Variants in GGTA1 observed in about 807,000 individuals in gnomAD.
GGTA1 encodes inactive N-acetyllactosaminide alpha-1,3-galactosyltransferase.
GGTA1 carries 5 observed loss-of-function variants against 2.6 expected under a neutral mutation model. The observed-to-expected ratio is 1.92, with a 90% CI of 1.00 to 4.04. The LOEUF (loss-of-function observed/expected upper bound fraction) is 4.04. Among genes scored for constraint, GGTA1 ranks in the 30% most tolerant of loss-of-function variants. GGTA1 has a pLI of 0.00. For synonymous variants in GGTA1, 17 were observed against 5.0 expected (o/e 3.38, Z -3.19); for missense variants, 50 against 16.7 (o/e 2.99, Z -3.47).
intron 1 of GGTA1, among the ~76,000 whole-genome samples, chr9:121,474,082 G>C (rs955231482): frequency 6.6e-6 from 1 of 152,108 alleles, no homozygotes; most frequent in Non-Finnish European, 1.5e-5. Context: ...CTTTCAAGGG[G>C]TGGAGCACAG....
intron 1 of GGTA1, among the ~76,000 whole-genome samples, chr9:121,499,000 G>A (rs1829048820): frequency 1.3e-5 from 2 of 151,736 alleles, no homozygotes; most frequent in Non-Finnish European, 2.9e-5. Context: ...TAGGAGCAAG[G>A]TTTGAAGAGT....
chr9:121,449,530 A>G lies in GGTA1; in HGVS notation c.*119-1933T>C, dbSNP rs1026582081. Among the ~76,000 whole-genome samples, 3 of 152,256 alleles carry G rather than the reference A, an allele frequency of 2.0e-5. No individual in the cohort carries two copies. In the East Asian group the frequency reaches 5.8e-4, roughly 29 times the overall value. ...TGGTATTTTAACTATTCATCTATTCATTTGAAAAGCATTGCACGCCATCTC... is the reference window on the plus strand; with the variant it reads ...TGGTATTTTAACTATTCATCTATTCGTTTGAAAAGCATTGCACGCCATCTC... On this transcript the variant is annotated intron_variant and NMD_transcript_variant, in intron 7 of 7. Coordinates refer to the GGTA1 transcript ENST00000481534.
chr9:121,478,182 T>A (rs1234399373), intron 1 of GGTA1, among the ~76,000 whole-genome samples: 1 of 152,198 alleles, frequency 6.6e-6, no homozygotes, highest in African/African-American at 2.4e-5. Context: ...ACCACTCTGT[T>A]GCTCTAGAAA....
At chr9:121,496,656 C>CGGGAGGCAAAGGTTGCA (rs1828998531) in intron 1 of GGTA1, among the ~76,000 whole-genome samples, 1 of 130,402 alleles carries the variant, frequency 7.7e-6, no homozygotes, top group African/African-American at 2.9e-5. Flanking sequence ...CGCTTGAACC[C>CGGGAGGCAAAGGTTGCA]GGGAGGCAAA....
intron 1 of GGTA1, among the ~76,000 whole-genome samples, chr9:121,493,404 A>G (rs577275647): frequency 6.6e-6 from 1 of 152,038 alleles, no homozygotes; most frequent in South Asian, 2.1e-4. Flanking sequence ...TTAATTTTTG[A>G]GGTTTTTCGC....
intron 3 of GGTA1, 153 bp downstream of exon 3, chr9:121,463,140 A>G (rs2064974343): frequency 5.6e-5 from 23 of 412,222 alleles, no homozygotes; most frequent in South Asian, 4.0e-4. Flanking sequence ...GAAGCTGCAG[A>G]AATAACATTC....
At chr9:121,466,675 G>T (rs961392127) in intron 2 of GGTA1, among the ~76,000 whole-genome samples, 13 of 152,124 alleles carry the variant, frequency 8.5e-5, no homozygotes, top group Non-Finnish European at 1.8e-4. Flanking sequence ...AAAAGAGGCC[G>T]GGCATGGTGG....
chr9:121,454,597 G>A (rs2064896057), downstream of GGTA1, among the ~76,000 whole-genome samples: 2 of 152,168 alleles, frequency 1.3e-5, no homozygotes, highest in Non-Finnish European at 2.9e-5. Context: ...TGCTGACTCT[G>A]GAGTCCATGC....
At chr9:121,445,622 AG>A (rs749159550) in exon 8 of GGTA1, 2 of 152,234 alleles carry the variant, frequency 1.3e-5, no homozygotes, top group Non-Finnish European at 2.9e-5. Flanking sequence ...AGCTTCTCTT[AG>A]AGAAGGGAAT....
At position 121,460,173 on chromosome 9, in the gene GGTA1, C is replaced by G. The variant is rs1433233055; in HGVS notation, c.229G>C (p.Gly77Arg). 2.2e-6 allele frequency: 1 copy of G among 456,862 alleles called. No individual in the cohort carries two copies. Among genetic ancestry groups the G allele is most frequent in the African/African-American group, 2.0e-5 (1 of 50,046 alleles). The allele number at this position is 456,862 out of a possible 1,614,324, so 28.3% of individuals were successfully genotyped here. ...QGEEDIDKEK[G>R]REETKGRKMT... ...TTCCTTCCTTTGGTCTCCTCTCTTC[C>G]TTTTTCTTTGTCTATGTCTTCTTCC... is the stretch of plus-strand genomic sequence containing the variant. Residue 77 changes from glycine (G) to arginine (R), a missense_variant, in exon 5 of 6, where the codon GGA becomes CGA. Coordinates refer to ENST00000481799, the MANE Select transcript of GGTA1 (RefSeq NM_001382585.1).
intron 1 of GGTA1, among the ~76,000 whole-genome samples, chr9:121,478,679 TA>T (rs748333187): frequency 1.3e-5 from 2 of 152,048 alleles, no homozygotes; most frequent in Non-Finnish European, 2.9e-5. Context: ...CACAAGAAAA[TA>T]AGAGACAGGT....
chr9:121,455,882 T>TA (rs755325155), intron 5 of GGTA1, 41 bp from the exon 6 acceptor site: 4 of 453,160 alleles, frequency 8.8e-6, no homozygotes, highest in African/African-American at 8.0e-5. Context: ...TATGTTGAAT[T>TA]AAAAATTAAA....
downstream of GGTA1, among the ~76,000 whole-genome samples, chr9:121,451,115 G>T (rs1296754710): frequency 2.0e-5 from 3 of 149,090 alleles, no homozygotes; most frequent in Admixed American, 6.7e-5. Flanking sequence ...GTTTTATTTT[G>T]AAAAAAAAAG....
At position 121,491,635 on chromosome 9, in the gene GGTA1, C is replaced by T. The variant is rs140559033; in HGVS notation, c.-10+8015G>A. Reference sequence around the variant, plus strand: ...TTCTTGTTTTCTTTTTTTGAGATGGCGTCTAGCTCTGTCACCCAGGCTAGA... The same window carrying T: ...TTCTTGTTTTCTTTTTTTGAGATGGTGTCTAGCTCTGTCACCCAGGCTAGA... On this transcript the variant is annotated intron_variant, in intron 1 of 5. Transcript: ENST00000481799. 1.8e-3 allele frequency among the ~76,000 whole-genome samples: 272 copies of T among 150,862 alleles called. 5 individuals are homozygous for T. In the South Asian group the frequency reaches 0.036, roughly 20 times the overall value.
chr9:121,452,782 G>C (rs973696649), downstream of GGTA1, among the ~76,000 whole-genome samples: 6 of 152,316 alleles, frequency 3.9e-5, no homozygotes, highest in Admixed American at 2.0e-4. Flanking sequence ...GCCTACCAAA[G>C]TGCCAGGATT....
At chr9:121,464,988 C>CAAAAAAAAAAAAAAAAAA (rs1325681219) in intron 2 of GGTA1, among the ~76,000 whole-genome samples, 3 of 121,852 alleles carry the variant, frequency 2.5e-5, no homozygotes, top group African/African-American at 3.0e-5. Flanking sequence ...CGTAAAGTGG[C>CAAAAAAAAAAAAAAAAAA]AAAAAAACAA....
rs10985264 is a variant in GGTA1, at chr9:121,476,608, C to T, written c.-9-8677G>A. Among the ~76,000 whole-genome samples the T allele has an allele frequency of 0.29, 44,806 of 152,018 alleles. 6,891 individuals are homozygous for T. The highest frequency in any genetic ancestry group is 0.39 in the Middle Eastern group (114 of 294). ...CCCTGCTGCAGTGACCTACACGGGC[C>T]CCTTGGTGTGATGATCAAATGATAG... On this transcript the variant is annotated intron_variant, in intron 1 of 5. Transcript: ENST00000481799. This position sits in a 1 kb window ranked among gnomAD's most constrained non-coding sequence, Gnocchi z 4.6.
chr9:121,471,318 A>G (rs1313763259), intron 1 of GGTA1, among the ~76,000 whole-genome samples: 1 of 152,012 alleles, frequency 6.6e-6, no homozygotes, highest in East Asian at 1.9e-4. Flanking sequence ...CTCCGGTATC[A>G]GTTAGTCTGT....
chr9:121,491,708 C>T (rs1426333179), intron 1 of GGTA1, among the ~76,000 whole-genome samples: 1 of 151,876 alleles, frequency 6.6e-6, no homozygotes, highest in Admixed American at 6.6e-5. Context: ...CTCTTGGGTT[C>T]AAGTGATTCT....
Sources: gnomAD v4.1 joint callset for allele counts (sites outside exome capture counted in the v4.1 genomes callset) on GRCh38, gnomAD v4.1.1 for gene constraint, Gnocchi (gnomAD v3.1) non-coding constraint, MANE v1.5 for transcripts, NCBI Gene and HGNC (gene_info 2026-07-23, HGNC 2026-07-21) for gene names.